Variants in METTL15 observed in about 807,000 individuals in gnomAD.
METTL15 encodes the protein methyltransferase 15, mitochondrial 12S rRNA N4-cytidine.
Under a neutral mutation model 38.3 loss-of-function variants are expected in METTL15, and 34 were observed. That is an observed-to-expected ratio of 0.89 (90% CI 0.68 to 1.18). The LOEUF (loss-of-function observed/expected upper bound fraction) is 1.18. METTL15 is among the 50% of genes most tolerant of loss of function. The pLI is 0.00. For missense variants in METTL15, 438 were observed against 498.4 expected (o/e 0.88, Z 1.15); for synonymous variants, 162 against 170.9 (o/e 0.95, Z 0.41).
chr11:28,316,078 G>A (rs1857471300), intron 6 of METTL15, among the ~76,000 whole-genome samples: 1 of 152,208 alleles, frequency 6.6e-6, no homozygotes, highest in Non-Finnish European at 1.5e-5. Context: ...GCTTTGAGAA[G>A]AGGGCCACCA....
At chr11:28,497,405 A>G (rs1459128737) in intron 6 of METTL15, among the ~76,000 whole-genome samples, 1 of 152,252 alleles carries the variant, frequency 6.6e-6, no homozygotes, top group East Asian at 1.9e-4. Flanking sequence ...GGAAAGAATG[A>G]CATTCTACAC....
chr11:28,190,191 G>T (rs1385385745), intron 3 of METTL15, among the ~76,000 whole-genome samples: 1 of 151,024 alleles, frequency 6.6e-6, no homozygotes, highest in East Asian at 1.9e-4. Context: ...TTCTTCTCTT[G>T]CTTGTGACTA....
chr11:28,368,135 A>C (rs1279411310), intron 5 of METTL15, among the ~76,000 whole-genome samples: 5 of 142,764 alleles, frequency 3.5e-5, no homozygotes, highest in Non-Finnish European at 7.6e-5. Context: ...TAGCAAAAAA[A>C]AAAAAAACAA....
At chr11:28,238,412 G>C (rs940196590) in intron 4 of METTL15, among the ~76,000 whole-genome samples, 1 of 152,226 alleles carries the variant, frequency 6.6e-6, no homozygotes, top group African/African-American at 2.4e-5. Context: ...CTCTGAGCCA[G>C]GTGTGGGTTA....
chr11:28,208,160 T>G (rs994091951), intron 3 of METTL15, among the ~76,000 whole-genome samples: 1 of 152,180 alleles, frequency 6.6e-6, no homozygotes, highest in Admixed American at 6.5e-5. Context: ...AACTTTTGAA[T>G]GTGTTTGCTC....
At chr11:28,239,076 C>G (rs1035012153) in intron 4 of METTL15, among the ~76,000 whole-genome samples, 1 of 152,052 alleles carries the variant, frequency 6.6e-6, no homozygotes, top group African/African-American at 2.4e-5. Context: ...TATTTACACT[C>G]ATTCCCTCAA....
chr11:28,366,219 G>T (rs1263405690), intron 5 of METTL15, among the ~76,000 whole-genome samples: 2 of 152,026 alleles, frequency 1.3e-5, no homozygotes, highest in Non-Finnish European at 2.9e-5. Context: ...TTAAGAACAG[G>T]AGCAACTCAG....
intron 3 of METTL15, among the ~76,000 whole-genome samples, chr11:28,146,015 C>T (rs1849870808): frequency 6.6e-6 from 1 of 151,870 alleles, no homozygotes; most frequent in East Asian, 1.9e-4. Flanking sequence ...TCATTGAACA[C>T]TTTAATGTTG....
intron 5 of METTL15, chr11:28,410,802 T>C (rs570187182): frequency 2.9e-4 from 44 of 151,922 alleles, no homozygotes; most frequent in Non-Finnish European, 5.2e-4. Context: ...AAATAAAAGG[T>C]ATGCAAATTG....
chr11:28,244,573 A>G (rs1854433791), intron 4 of METTL15, among the ~76,000 whole-genome samples: 1 of 152,208 alleles, frequency 6.6e-6, no homozygotes, highest in Admixed American at 6.5e-5. Context: ...TGGCTCAGGA[A>G]TCTGCATTTT....
At chr11:28,121,645 A>G (rs1050812307) in intron 3 of METTL15, among the ~76,000 whole-genome samples, 1 of 152,068 alleles carries the variant, frequency 6.6e-6, no homozygotes, top group South Asian at 2.1e-4. Context: ...TTTCATATTT[A>G]TGGTTTTTAG....
intron 5 of METTL15, among the ~76,000 whole-genome samples, chr11:28,367,317 A>G (rs1850196095): frequency 6.6e-6 from 1 of 152,176 alleles, no homozygotes; most frequent in Admixed American, 6.5e-5. Context: ...GAAACCAGAA[A>G]ACCTCTCTAA....
intron 4 of METTL15, among the ~76,000 whole-genome samples, chr11:28,241,768 G>A (rs533271609): frequency 7.2e-5 from 11 of 152,264 alleles, no homozygotes; most frequent in African/African-American, 2.6e-4. Context: ...TATACCACAT[G>A]TGCCTGGTTT....
chr11:28,316,912 C>A (rs1857500000), intron 6 of METTL15, among the ~76,000 whole-genome samples: 1 of 152,142 alleles, frequency 6.6e-6, no homozygotes, highest in African/African-American at 2.4e-5. Flanking sequence ...AACTGTAAGT[C>A]CAATTAAACC....
intron 4 of METTL15, among the ~76,000 whole-genome samples, chr11:28,219,081 G>C (rs952653375): frequency 6.6e-6 from 1 of 152,178 alleles, no homozygotes; most frequent in African/African-American, 2.4e-5. Flanking sequence ...CATAAAATGA[G>C]TTAGGGAGGA....
chr11:28,443,763 T>C (rs1202407086), intron 6 of METTL15, among the ~76,000 whole-genome samples: 1 of 152,030 alleles, frequency 6.6e-6, no homozygotes, highest in Admixed American at 6.5e-5. Flanking sequence ...CACTTGAGAG[T>C]ATGTAGAGAA....
At chr11:28,381,747 A>G (rs1850388441) in intron 5 of METTL15, among the ~76,000 whole-genome samples, 1 of 152,138 alleles carries the variant, frequency 6.6e-6, no homozygotes, top group Non-Finnish European at 1.5e-5. Context: ...ATTTTCTAAT[A>G]AATTTCTGAA....
At chr11:28,256,981 T>A (rs571398621) in intron 4 of METTL15, among the ~76,000 whole-genome samples, 1 of 152,310 alleles carries the variant, frequency 6.6e-6, no homozygotes, top group African/African-American at 2.4e-5. Context: ...GTATATTTTG[T>A]ACTTTGCATG....
At chr11:28,426,229 G>A (rs990307048) in intron 6 of METTL15, among the ~76,000 whole-genome samples, 3 of 152,122 alleles carry the variant, frequency 2.0e-5, no homozygotes, top group African/African-American at 4.8e-5. Context: ...TTAATTTGCT[G>A]AGGATAATGG....
Sources: gnomAD v4.1 joint callset for allele counts (sites outside exome capture counted in the v4.1 genomes callset) on GRCh38, gnomAD v4.1.1 for gene constraint, MANE v1.5 for transcripts, NCBI Gene and HGNC (gene_info 2026-07-23, HGNC 2026-07-21) for gene names.